DOCK3: variants seen among roughly 807,000 people sequenced by gnomAD.
DOCK3 encodes the protein dedicator of cytokinesis 3.
In DOCK3, 60 loss-of-function variants were observed where a neutral mutation model predicts 265.6. The ratio of observed to expected loss-of-function variants is 0.23; its 90% CI spans 0.18 to 0.28. The LOEUF (loss-of-function observed/expected upper bound fraction) is 0.28. DOCK3 is among the 10% of genes least tolerant of loss of function. The pLI, the probability that DOCK3 is intolerant of heterozygous loss-of-function variation, is 1.00. For synonymous variants in DOCK3, 881 were observed against 938.0 expected (o/e 0.94, Z 1.11); for missense variants, 1,981 against 2,594.3 (o/e 0.76, Z 5.14).
intron 5 of DOCK3, among the ~76,000 whole-genome samples, chr3:51,024,256 G>T (rs2079718572): frequency 6.6e-6 from 1 of 152,160 alleles, no homozygotes; most frequent in Non-Finnish European, 1.5e-5. Context: ...GGGTTGGAAT[G>T]GCAGGGATTC....
chr3:50,963,312 C>T (rs1285816866), intron 5 of DOCK3, among the ~76,000 whole-genome samples: 1 of 152,114 alleles, frequency 6.6e-6, no homozygotes, highest in Non-Finnish European at 1.5e-5. Context: ...AAAATTTGTA[C>T]TTCTGTTTCT....
intron 1 of DOCK3, among the ~76,000 whole-genome samples, chr3:50,765,604 TA>T (rs1182307136): frequency 5.3e-5 from 8 of 152,206 alleles, no homozygotes; most frequent in East Asian, 3.9e-4. Context: ...TTATATTAAT[TA>T]AAAAAATTAA....
At chr3:51,068,560 A>AGAAG (rs1553750775) in intron 6 of DOCK3, among the ~76,000 whole-genome samples, 10 of 82,452 alleles carry the variant, frequency 1.2e-4, no homozygotes, top group African/African-American at 4.6e-4. Context: ...AAAAAAAAAA[A>AGAAG]AAGAAGAAGA....
At chr3:51,342,179 A>C (rs1470713889) in intron 38 of DOCK3, among the ~76,000 whole-genome samples, 1 of 152,252 alleles carries the variant, frequency 6.6e-6, no homozygotes, top group Non-Finnish European at 1.5e-5. Flanking sequence ...AAAAAGAAAG[A>C]TTTAAACATT....
intron 4 of DOCK3, among the ~76,000 whole-genome samples, chr3:50,925,555 TTAAAAAAAAAAAGTTTTA>T (rs1373785366): frequency 1.3e-5 from 2 of 151,722 alleles, no homozygotes; most frequent in Admixed American, 1.3e-4. Flanking sequence ...CTCTGCCTCC[TTAAAAAAAAAAAGTTTTA>T]TTTAGGAAAG....
At chr3:51,036,760 A>G (rs990370202) in intron 5 of DOCK3, among the ~76,000 whole-genome samples, 4 of 152,076 alleles carry the variant, frequency 2.6e-5, no homozygotes, top group African/African-American at 7.2e-5. Context: ...TGTAACTCCA[A>G]CAGTTGCCAT....
At chr3:50,989,386 G>T (rs12490502) in intron 5 of DOCK3, among the ~76,000 whole-genome samples, 12 of 152,110 alleles carry the variant, frequency 7.9e-5, no homozygotes, top group South Asian at 2.1e-4. Context: ...TAGCAGTCAG[G>T]GGGGAGAGGA....
chr3:51,254,685 G>T (rs1442339139), intron 22 of DOCK3, among the ~76,000 whole-genome samples: 2 of 152,128 alleles, frequency 1.3e-5, no homozygotes, highest in African/African-American at 4.8e-5. Flanking sequence ...GACTAGGATT[G>T]CAACCCCTGC....
At chr3:51,134,041 T>C (rs1249820782) in intron 9 of DOCK3, among the ~76,000 whole-genome samples, 1 of 152,214 alleles carries the variant, frequency 6.6e-6, no homozygotes, top group Non-Finnish European at 1.5e-5. Context: ...TTTGGTTTTC[T>C]GTTTCTGCGT....
chr3:51,138,072 T>C (rs1013810768), intron 9 of DOCK3, among the ~76,000 whole-genome samples: 1 of 152,190 alleles, frequency 6.6e-6, no homozygotes, highest in African/African-American at 2.4e-5. Context: ...GGTTGTGGGG[T>C]AAAATGTCAC....
intron 5 of DOCK3, among the ~76,000 whole-genome samples, chr3:50,980,179 T>G (rs2077638201): frequency 6.6e-6 from 1 of 152,226 alleles, no homozygotes; most frequent in Non-Finnish European, 1.5e-5. Flanking sequence ...TTTGTTGAAT[T>G]TTATTAAATG....
At position 50,869,342 on chromosome 3, in the gene DOCK3, A is replaced by ATTTTTTTTTTTTTTTTTTTTTTTTTTTTT. The variant is rs755531254; in HGVS notation, c.163-20664_163-20636dup. On this transcript the variant is annotated intron_variant, in intron 3 of 52. Coordinates refer to ENST00000266037, the MANE Select transcript of DOCK3 (RefSeq NM_004947.5). ...TCAATTTTATTTATTTCTGCTGGGA[A>ATTTTTTTTTTTTTTTTTTTTTTTTTTTTT]TTTTTTTTTTTTTTTTTTTTTTTTT... Among the ~76,000 whole-genome samples the ATTTTTTTTTTTTTTTTTTTTTTTTTTTTT allele has an allele frequency of 1.4e-3, 96 of 70,106 alleles. 48 individuals carry two copies. The highest frequency in any genetic ancestry group is 0.019 in the Middle Eastern group (2 of 106). 46.0% of individuals were successfully genotyped at this position (70,106 alleles called of 152,430 possible).
At chr3:50,676,465 A>G (rs967338307) in intron 1 of DOCK3, among the ~76,000 whole-genome samples, 4 of 152,252 alleles carry the variant, frequency 2.6e-5, no homozygotes, top group East Asian at 3.8e-4. Flanking sequence ...TAGAGTCTCT[A>G]TTGAGAAGGA....
chr3:50,941,071 T>C (rs535586297), intron 5 of DOCK3, among the ~76,000 whole-genome samples: 3 of 152,242 alleles, frequency 2.0e-5, no homozygotes, highest in South Asian at 2.1e-4. Context: ...AGGCAATACA[T>C]TGGACTTCTA....
At position 50,844,662 on chromosome 3, in the gene DOCK3, C is replaced by T. The variant is rs2045996014; in HGVS notation, c.162+2947C>T. 2.0e-5 allele frequency among the ~76,000 whole-genome samples: 3 copies of T among 151,960 alleles called. 1 individual carries two copies. The South Asian group carries it at 6.2e-4, about 32-fold the overall frequency. ...AGAAACTGGGGTGATTATAAAATAC[C>T]CTTTCTGTTATGACTACATACTAAA... On this transcript the variant is annotated intron_variant, in intron 3 of 52. Coordinates refer to ENST00000266037, the MANE Select transcript of DOCK3 (RefSeq NM_004947.5).
intron 12 of DOCK3, among the ~76,000 whole-genome samples, 175 bp from the exon 13 acceptor site, chr3:51,208,599 G>C (rs1433178414): frequency 6.6e-6 from 1 of 152,166 alleles, no homozygotes; most frequent in Non-Finnish European, 1.5e-5. Context: ...CTTTGCCCAA[G>C]TATGTGTTTT....
intron 3 of DOCK3, among the ~76,000 whole-genome samples, chr3:50,864,876 G>T (rs956683273): frequency 6.6e-6 from 1 of 151,824 alleles, no homozygotes; most frequent in East Asian, 1.9e-4. Flanking sequence ...CAGGTATTAT[G>T]ATGCGTCCAG....
chr3:50,781,716 C>T (rs987654146), intron 2 of DOCK3, among the ~76,000 whole-genome samples: 8 of 152,050 alleles, frequency 5.3e-5, no homozygotes, highest in African/African-American at 1.9e-4. Flanking sequence ...TACAGATGAT[C>T]TTGTCACCCA....
chr3:51,164,877 TG>T (rs2086311101), intron 12 of DOCK3, among the ~76,000 whole-genome samples: 1 of 151,474 alleles, frequency 6.6e-6, no homozygotes, highest in Non-Finnish European at 1.5e-5. Flanking sequence ...ATACTGTCTT[TG>T]GGTTCTTTGC....
Sources: allele counts gnomAD v4.1 joint callset (sites outside exome capture counted in the v4.1 genomes callset), GRCh38; gene constraint gnomAD v4.1.1; transcripts MANE v1.5; gene names NCBI Gene and HGNC (gene_info 2026-07-23, HGNC 2026-07-21).